The following CNTNAP4 variants were observed in gnomAD, a reference collection of about 807,000 sequenced individuals.
The protein encoded by CNTNAP4 is contactin associated protein family member 4.
A neutral mutation model predicts 148.4 loss-of-function variants in CNTNAP4; 98 were observed. The observed-to-expected ratio is 0.66, with a 90% CI of 0.56 to 0.78. The LOEUF is 0.78. Among genes scored for constraint, CNTNAP4 ranks in the 30% least tolerant of loss-of-function variants. The probability of loss-of-function intolerance (pLI) is 0.00; values close to 1 mark genes in which losing one functional copy is unlikely to be tolerated. For synonymous variants in CNTNAP4, 730 were observed against 565.1 expected (o/e 1.29, Z -4.14); for missense variants, 1,935 against 1,565.6 (o/e 1.24, Z -3.98).
At chr16:76,538,596 T>C (rs2084320369) in intron 19 of CNTNAP4, among the ~76,000 whole-genome samples, 1 of 151,990 alleles carries the variant, frequency 6.6e-6, no homozygotes, top group South Asian at 2.1e-4. Context: ...ATATAAAACA[T>C]TTATTATATT....
chr16:76,313,186 A>G (rs1323688272), intron 1 of CNTNAP4, among the ~76,000 whole-genome samples: 1 of 152,168 alleles, frequency 6.6e-6, no homozygotes, highest in Non-Finnish European at 1.5e-5. Flanking sequence ...TTCTTAATTT[A>G]TAGTTGGCAA....
At chr16:76,309,650 T>A (rs1263119438) in intron 1 of CNTNAP4, among the ~76,000 whole-genome samples, 1 of 152,184 alleles carries the variant, frequency 6.6e-6, no homozygotes. Context: ...CTGATAGGAT[T>A]TGGCTGTGTC....
chr16:76,485,490 A>G (rs935166292), intron 12 of CNTNAP4, among the ~76,000 whole-genome samples: 2 of 152,188 alleles, frequency 1.3e-5, no homozygotes, highest in African/African-American at 2.4e-5. Context: ...CACTGTAAGG[A>G]TGATTGTTCC....
At chr16:76,444,774 G>A (rs890643955) in intron 4 of CNTNAP4, among the ~76,000 whole-genome samples, 8 of 151,922 alleles carry the variant, frequency 5.3e-5, no homozygotes, top group Non-Finnish European at 7.4e-5. Context: ...CATTTCCTGA[G>A]AGTCTGTTTC....
chr16:76,412,817 G>C (rs1461021765), intron 3 of CNTNAP4, among the ~76,000 whole-genome samples: 2 of 151,232 alleles, frequency 1.3e-5, no homozygotes, highest in Non-Finnish European at 1.5e-5. Context: ...TCTGACATCA[G>C]TTTCCTTTCA....
intron 3 of CNTNAP4, among the ~76,000 whole-genome samples, chr16:76,367,569 G>T: frequency 6.6e-6 from 1 of 152,120 alleles, no homozygotes; most frequent in East Asian, 1.9e-4. Flanking sequence ...CTGACATTCT[G>T]ACTGACTGAA....
intron 2 of CNTNAP4, among the ~76,000 whole-genome samples, chr16:76,348,433 C>A (rs990020735): frequency 6.6e-6 from 1 of 151,858 alleles, no homozygotes; most frequent in Non-Finnish European, 1.5e-5. Context: ...GAGAGATCAA[C>A]GGGGAGTGAA....
chr16:76,318,594 C>G (rs1871622470), intron 2 of CNTNAP4, among the ~76,000 whole-genome samples: 1 of 151,474 alleles, frequency 6.6e-6, no homozygotes, highest in South Asian at 2.1e-4. Context: ...CTGTTAATTA[C>G]ATGAAGTTTT....
intron 11 of CNTNAP4, among the ~76,000 whole-genome samples, chr16:76,478,526 A>G (rs780585900): frequency 6.6e-6 from 1 of 152,218 alleles, no homozygotes; most frequent in Non-Finnish European, 1.5e-5. Flanking sequence ...CATTAACATA[A>G]TTTTCAAAAG....
intron 1 of CNTNAP4, among the ~76,000 whole-genome samples, chr16:76,305,662 A>G (rs1048209409): frequency 3.9e-5 from 6 of 152,162 alleles, no homozygotes; most frequent in African/African-American, 1.4e-4. Context: ...GCAGTCTGGC[A>G]AGACCCATCA....
chr16:76,339,186 G>T (rs1964264428), intron 2 of CNTNAP4, among the ~76,000 whole-genome samples: 1 of 141,698 alleles, frequency 7.1e-6, no homozygotes, highest in African/African-American at 2.6e-5. Flanking sequence ...TTTTAAAAGA[G>T]TGGTCTTTTT....
At chr16:76,369,070 A>G (rs1426188003) in intron 3 of CNTNAP4, among the ~76,000 whole-genome samples, 1 of 151,744 alleles carries the variant, frequency 6.6e-6, no homozygotes, top group African/African-American at 2.4e-5. Flanking sequence ...GAGCCATTAT[A>G]TAAACAGGCA....
intron 1 of CNTNAP4, among the ~76,000 whole-genome samples, chr16:76,290,920 A>C (rs1597093239): frequency 6.6e-6 from 1 of 151,756 alleles, no homozygotes; most frequent in African/African-American, 2.4e-5. Flanking sequence ...GCAGATGACC[A>C]CCTCCTTGCT....
chr16:76,406,945 C>A (rs1363865039), intron 3 of CNTNAP4, among the ~76,000 whole-genome samples: 1 of 151,954 alleles, frequency 6.6e-6, no homozygotes, highest in East Asian at 1.9e-4. Flanking sequence ...GTAAAGGTGG[C>A]TACACTAAAC....
At chr16:76,371,469 G>T (rs940359087) in intron 3 of CNTNAP4, among the ~76,000 whole-genome samples, 1 of 152,002 alleles carries the variant, frequency 6.6e-6, no homozygotes, top group Non-Finnish European at 1.5e-5. Flanking sequence ...AATTTTAGTA[G>T]AAACAGGGTT....
intron 23 of CNTNAP4, among the ~76,000 whole-genome samples, chr16:76,554,291 C>T (rs2085096486): frequency 6.6e-6 from 1 of 152,110 alleles, no homozygotes; most frequent in Non-Finnish European, 1.5e-5. Context: ...TGGAAAGGTT[C>T]ATGCAAAAAG....
At chr16:76,518,101 G>A (rs1388972932) in intron 15 of CNTNAP4, among the ~76,000 whole-genome samples, 1 of 151,898 alleles carries the variant, frequency 6.6e-6, no homozygotes, top group South Asian at 2.1e-4. Context: ...AAGATAAAAG[G>A]TAGGGTTTCT....
At chr16:76,476,215 T>C (rs1490595917) in intron 11 of CNTNAP4, among the ~76,000 whole-genome samples, 170 bp downstream of exon 11, 1 of 152,116 alleles carries the variant, frequency 6.6e-6, no homozygotes, top group Non-Finnish European at 1.5e-5. Flanking sequence ...GTACATAATA[T>C]GAAACAAACT....
intron 1 of CNTNAP4, among the ~76,000 whole-genome samples, chr16:76,294,271 T>G (rs1333955800): frequency 5.9e-5 from 9 of 152,154 alleles, no homozygotes; most frequent in South Asian, 2.1e-4. Flanking sequence ...CATACTACAC[T>G]TCAGTATGGA....
Sources: allele counts gnomAD v4.1 joint callset (sites outside exome capture counted in the v4.1 genomes callset), GRCh38; gene constraint gnomAD v4.1.1; transcripts MANE v1.5; gene names NCBI Gene and HGNC (gene_info 2026-07-23, HGNC 2026-07-21).